Variants in USH2A observed in about 807,000 individuals in gnomAD.
USH2A encodes the protein Usher syndrome 2A (autosomal recessive, mild).
In USH2A, 443 loss-of-function variants were observed where a neutral mutation model predicts 538.9. The observed-to-expected ratio is 0.82, with a 90% confidence interval of 0.76 to 0.89. The LOEUF is 0.89. USH2A is among the 40% of genes least tolerant of loss of function. The pLI is 0.00. For missense variants in USH2A, 6,633 were observed against 6,324.8 expected (o/e 1.05, Z -1.65); for synonymous variants, 2,413 against 2,273.5 (o/e 1.06, Z -1.75).
chr1:216,016,690 C>G (rs1042042936), intron 32 of USH2A, among the ~76,000 whole-genome samples: 1 of 152,046 alleles, frequency 6.6e-6, no homozygotes, highest in African/African-American at 2.4e-5. Context: ...TCTTATGACC[C>G]CTAACACCTT....
intron 35 of USH2A, among the ~76,000 whole-genome samples, chr1:215,985,619 T>A (rs185156983): frequency 3.9e-5 from 6 of 152,190 alleles, no homozygotes; most frequent in Non-Finnish European, 8.8e-5. Flanking sequence ...ATTATTATTA[T>A]TACTAATGTT....
intron 35 of USH2A, among the ~76,000 whole-genome samples, chr1:215,983,183 A>G (rs1444708766): frequency 6.6e-6 from 1 of 151,936 alleles, no homozygotes; most frequent in Non-Finnish European, 1.5e-5. Context: ...ACTCCTGATG[A>G]ACTCCTGACC....
rs1481688062 is a variant in USH2A, at chr1:215,897,704, G to A, written c.7594+2371C>T. On this transcript the variant is annotated intron_variant, in intron 40 of 71. Transcript: ENST00000307340. Reference sequence around the variant, plus strand: ...ACGCTGTCTCAAAAAATGAAGGAAAGGAAGAAAAGAAAGAAAGAGAAAGAA... The same window carrying A: ...ACGCTGTCTCAAAAAATGAAGGAAAAGAAGAAAAGAAAGAAAGAGAAAGAA... Among the ~76,000 whole-genome samples, 4 of 129,586 alleles carry A rather than the reference G, an allele frequency of 3.1e-5. No homozygotes were observed. The South Asian group carries it at 7.8e-4, about 25-fold the overall frequency. The allele number at this position is 129,586 out of a possible 152,430, so 85.0% of individuals were successfully genotyped here.
chr1:216,345,354 T>G (rs754723020), intron 4 of USH2A, among the ~76,000 whole-genome samples: 1 of 152,038 alleles, frequency 6.6e-6, no homozygotes, highest in Non-Finnish European at 1.5e-5. Flanking sequence ...TCACACATAT[T>G]TTGCTCTGGC....
At chr1:216,330,369 G>T (rs998994495) in intron 4 of USH2A, among the ~76,000 whole-genome samples, 4 of 152,060 alleles carry the variant, frequency 2.6e-5, no homozygotes, top group Admixed American at 2.0e-4. Flanking sequence ...GGAGAGCATG[G>T]CTAGATTTTA....
chr1:215,796,386 T>C (rs1276434813), intron 50 of USH2A, among the ~76,000 whole-genome samples: 4 of 151,948 alleles, frequency 2.6e-5, no homozygotes, highest in Non-Finnish European at 5.9e-5. Flanking sequence ...CACAATATTT[T>C]AAACTTTTTC....
chr1:216,052,775 T>G (rs2030837439), intron 30 of USH2A, among the ~76,000 whole-genome samples: 1 of 152,216 alleles, frequency 6.6e-6, no homozygotes, highest in African/African-American at 2.4e-5. Context: ...TTTATCTCCT[T>G]TGATTCTCAG....
intron 20 of USH2A, among the ~76,000 whole-genome samples, chr1:216,180,898 C>T (rs572123109): frequency 2.0e-5 from 3 of 152,194 alleles, no homozygotes; most frequent in Non-Finnish European, 4.4e-5. Context: ...TGGACCAGGA[C>T]GCAAACAAGA....
At chr1:216,258,964 A>T (rs1299317436) in intron 11 of USH2A, among the ~76,000 whole-genome samples, 3 of 152,114 alleles carry the variant, frequency 2.0e-5, no homozygotes, top group Non-Finnish European at 2.9e-5. Context: ...TGTTTAACAT[A>T]GCTCCAAGCT....
At chr1:215,962,855 G>A (rs4100655) in intron 37 of USH2A, among the ~76,000 whole-genome samples, 2 of 151,790 alleles carry the variant, frequency 1.3e-5, no homozygotes, top group South Asian at 2.1e-4. Context: ...ACTTTGATAC[G>A]TGCCACTTCA....
At chr1:215,988,381 G>A (rs904367143) in intron 35 of USH2A, among the ~76,000 whole-genome samples, 9 of 152,100 alleles carry the variant, frequency 5.9e-5, no homozygotes, top group African/African-American at 1.2e-4. Context: ...TTTTAAGGCC[G>A]AGTGATATGC....
At chr1:215,813,946 T>G (rs1368256321) in intron 48 of USH2A, 42 bp from the exon 49 acceptor site, 2 of 1,599,842 alleles carry the variant, frequency 1.3e-6, no homozygotes. Context: ...TCAGTTTAGT[T>G]AAGAGTGTTA....
intron 4 of USH2A, among the ~76,000 whole-genome samples, chr1:216,340,627 C>T (rs1210960236): frequency 6.6e-6 from 1 of 151,866 alleles, no homozygotes; most frequent in East Asian, 1.9e-4. Context: ...AAACCAAATC[C>T]AGCAGCATAT....
intron 47 of USH2A, among the ~76,000 whole-genome samples, chr1:215,837,161 TGAACTGATTTAAGATCCAGA>T (rs893380959): frequency 1.3e-5 from 2 of 152,178 alleles, no homozygotes; most frequent in African/African-American, 4.8e-5. Flanking sequence ...ACTAATTTTT[TGAACTGATTTAAGATCCAGA>T]AATTTCAACA....
At chr1:216,128,027 T>G (rs972656988) in intron 21 of USH2A, among the ~76,000 whole-genome samples, 1 of 152,162 alleles carries the variant, frequency 6.6e-6, no homozygotes, top group Non-Finnish European at 1.5e-5. Flanking sequence ...TTTAATTTGC[T>G]AACTTTGGAG....
At chr1:215,634,318 C>A in intron 70 of USH2A, 141 bp downstream of exon 70, 1 of 1,365,164 alleles carries the variant, frequency 7.3e-7, no homozygotes, top group Non-Finnish European at 1.0e-6. Flanking sequence ...CTAGGGTTAG[C>A]CTCTCTTGGT....
rs977942970 is a variant in USH2A at position 215,890,953 on chromosome 1, AT to A, written c.7595-1900del. ...GTAATATACACTTAAAAATCAGAATATTTTTTATTAGGGTTTTCATCTGGGT... is the reference window on the plus strand; with the variant it reads ...GTAATATACACTTAAAAATCAGAATATTTTTATTAGGGTTTTCATCTGGGT... On this transcript the variant is annotated intron_variant, in intron 40 of 71. Coordinates refer to ENST00000307340, the MANE Select transcript of USH2A (RefSeq NM_206933.4). 4.6e-5 allele frequency among the ~76,000 whole-genome samples: 7 copies of A among 152,150 alleles called. No individual in the cohort carries two copies. In the South Asian group the frequency reaches 6.3e-4, roughly 14 times the overall value.
At chr1:216,076,326 T>C (rs554139444) in intron 27 of USH2A, among the ~76,000 whole-genome samples, 1 of 152,284 alleles carries the variant, frequency 6.6e-6, no homozygotes, top group Admixed American at 6.5e-5. Flanking sequence ...ACTAATAAAA[T>C]ATCTTCCAGT....
intron 3 of USH2A, among the ~76,000 whole-genome samples, chr1:216,387,476 T>TTG: frequency 6.6e-6 from 1 of 152,232 alleles, no homozygotes; most frequent in Non-Finnish European, 1.5e-5. Context: ...AGTTAAACTA[T>TTG]CCAAGACCAA....
Sources: allele counts gnomAD v4.1 joint callset (sites outside exome capture counted in the v4.1 genomes callset), GRCh38; gene constraint gnomAD v4.1.1; transcripts MANE v1.5; gene names NCBI Gene and HGNC (gene_info 2026-07-23, HGNC 2026-07-21).